Variants in FBXO42 observed in about 807,000 individuals in gnomAD.
The protein encoded by FBXO42 is F-box protein 42.
A neutral mutation model predicts 71.7 loss-of-function variants in FBXO42; 12 were observed. That is an observed-to-expected ratio of 0.17 (90% CI 0.11 to 0.27). FBXO42 has a LOEUF of 0.27. Among genes scored for constraint, FBXO42 ranks in the 10% least tolerant of loss-of-function variants. The pLI, the probability that FBXO42 is intolerant of heterozygous loss-of-function variation, is 1.00. For missense variants in FBXO42, 707 were observed against 911.9 expected (o/e 0.78, Z 2.89); for synonymous variants, 325 against 327.5 (o/e 0.99, Z 0.08).
At chr1:16,278,060 A>G (rs2081923728) in intron 4 of FBXO42, among the ~76,000 whole-genome samples, 1 of 151,660 alleles carries the variant, frequency 6.6e-6, no homozygotes. Context: ...AATAATTTTT[A>G]AAAATCCACA....
At position 16,251,516 on chromosome 1, in the gene FBXO42, A is replaced by G; in HGVS notation, c.1308T>C (p.Ser436=). The G allele has an allele frequency of 6.2e-7, 1 of 1,614,144 alleles. No homozygotes were observed. The highest frequency in any genetic ancestry group is 8.5e-7 in the Non-Finnish European group (1 of 1,180,014). Residue 436 remains serine (S), a synonymous_variant, in exon 10 of 10, where the codon TCT becomes TCC. Transcript: ENST00000375592. The surrounding 1 kb of genome is among the most constrained non-coding windows in gnomAD (Gnocchi z 4.5). ...ACAAACTCCCACCATTGAGGATAGG[A>G]GAGCCGTCTCCTCTGGCTGGGGAAA... ...GSLSPARGDG[S]PILNGGSLSP...
intron 4 of FBXO42, among the ~76,000 whole-genome samples, chr1:16,273,139 A>T (rs549800114): frequency 3.2e-4 from 49 of 152,268 alleles, no homozygotes; most frequent in Middle Eastern, 6.8e-3. Flanking sequence ...GGTAGGTATT[A>T]CCATCTCTAC....
At chr1:16,312,709 C>A (rs889371603) in intron 2 of FBXO42, among the ~76,000 whole-genome samples, 3 of 151,914 alleles carry the variant, frequency 2.0e-5, no homozygotes, top group Admixed American at 2.0e-4. Context: ...AATTTTAACA[C>A]ATGTACCACT....
At chr1:16,298,840 G>C (rs959254775) in intron 3 of FBXO42, among the ~76,000 whole-genome samples, 5 of 151,954 alleles carry the variant, frequency 3.3e-5, no homozygotes, top group African/African-American at 1.2e-4. Context: ...ACCTTAACTA[G>C]TGTCCATTAT....
At chr1:16,318,844 T>C (rs896396243) in intron 1 of FBXO42, among the ~76,000 whole-genome samples, 4 of 152,026 alleles carry the variant, frequency 2.6e-5, no homozygotes, top group Non-Finnish European at 4.4e-5. Flanking sequence ...CTCAGGGGAA[T>C]CTAGTACTGG....
chr1:16,274,883 C>A (rs2081883788), intron 4 of FBXO42, among the ~76,000 whole-genome samples: 2 of 152,018 alleles, frequency 1.3e-5, no homozygotes, highest in African/African-American at 2.4e-5. Flanking sequence ...AGCCACCATG[C>A]CCAGCTATCA....
intron 1 of FBXO42, among the ~76,000 whole-genome samples, chr1:16,319,892 C>CA (rs1208347107): frequency 6.6e-6 from 1 of 150,430 alleles, no homozygotes; most frequent in African/African-American, 2.4e-5. Context: ...GCCTGGGCAA[C>CA]AGAGTGAGAC....
At position 16,251,833 on chromosome 1, in the gene FBXO42, T is replaced by C; in HGVS notation, c.1039-48A>G. 2 of 1,555,492 alleles carry C rather than the reference T, an allele frequency of 1.3e-6. No homozygotes were observed. Among genetic ancestry groups the C allele is most frequent in the African/African-American group, 1.4e-5 (1 of 73,152 alleles). On this transcript the variant is annotated intron_variant, in intron 9 of 9. Transcript: ENST00000375592. This position sits in a 1 kb window ranked among gnomAD's most constrained non-coding sequence, Gnocchi z 4.5. The stretch of plus-strand genomic sequence containing the variant: ...TCACACTCTTCTATGATTCTGATTG[T>C]TCATTCAACTGTCAAACATTTTATC...
chr1:16,247,377 A>C lies in FBXO42; in HGVS notation c.*3293T>G, dbSNP rs935477376. ...ACCACAAGGACAAGGACAGACAGAC[A>C]GACCAACCAGGAATACCACTTTTAA... On this transcript the variant is annotated 3_prime_UTR_variant, in exon 10 of 10. Coordinates refer to ENST00000375592, the MANE Select transcript of FBXO42 (RefSeq NM_018994.3). The C allele has an allele frequency of 5.2e-5, 8 of 152,440 alleles. 1 individual carries two copies. The highest frequency in any genetic ancestry group is 1.7e-4 in the African/African-American group (7 of 41,566). 9.4% of individuals were successfully genotyped at this position (152,440 alleles called of 1,614,324 possible). A position where few individuals can be genotyped will look rare whatever the true frequency, so the allele number is the denominator to read the frequency against.
intron 3 of FBXO42, among the ~76,000 whole-genome samples, chr1:16,302,428 A>C (rs2082204574): frequency 6.6e-6 from 1 of 152,214 alleles, no homozygotes; most frequent in Admixed American, 6.5e-5. Flanking sequence ...GGCCTCAGGA[A>C]ACTTACATTT....
intron 4 of FBXO42, among the ~76,000 whole-genome samples, chr1:16,271,258 G>GGTGT (rs57827739): frequency 0.064 from 8,732 of 137,364 alleles, 311 homozygotes; most frequent in East Asian, 0.12. Flanking sequence ...TGTGTGTGTT[G>GGTGT]GTGTGTGTGT....
intron 4 of FBXO42, among the ~76,000 whole-genome samples, chr1:16,274,881 T>C (rs1339477127): frequency 6.6e-6 from 1 of 152,036 alleles, no homozygotes; most frequent in Non-Finnish European, 1.5e-5. Context: ...TGAGCCACCA[T>C]GCCCAGCTAT....
chr1:16,309,354 GGCATGAGCCACC>G (rs1409866177), intron 2 of FBXO42, among the ~76,000 whole-genome samples: 2 of 151,550 alleles, frequency 1.3e-5, no homozygotes, highest in Non-Finnish European at 2.9e-5. Flanking sequence ...TGGGATTATA[GGCATGAGCCACC>G]GCGCCTGGCC....
At chr1:16,315,706 C>T (rs536292016) in intron 1 of FBXO42, among the ~76,000 whole-genome samples, 1 of 152,210 alleles carries the variant, frequency 6.6e-6, no homozygotes, top group East Asian at 1.9e-4. Context: ...AACCAGAAAA[C>T]TTGTTCTCCA....
intron 2 of FBXO42, among the ~76,000 whole-genome samples, chr1:16,308,672 T>C (rs2082279791): frequency 6.6e-6 from 1 of 151,624 alleles, no homozygotes; most frequent in African/African-American, 2.4e-5. Context: ...CTAATTTCTG[T>C]TTTTTTGTTT....
chr1:16,326,124 C>T (rs1283729553), intron 1 of FBXO42, among the ~76,000 whole-genome samples: 5 of 151,108 alleles, frequency 3.3e-5, no homozygotes, highest in African/African-American at 1.2e-4. Context: ...GGCACGATCT[C>T]GGCTCACTGC....
intron 4 of FBXO42, among the ~76,000 whole-genome samples, chr1:16,288,445 A>AT (rs2082043797): frequency 1.0e-4 from 15 of 148,636 alleles, no homozygotes; most frequent in African/African-American, 3.8e-4. Flanking sequence ...AATAAAAATA[A>AT]AAATAAAAAT....
intron 4 of FBXO42, among the ~76,000 whole-genome samples, chr1:16,283,494 GTTTTTTTT>G (rs386366300): frequency 2.5e-5 from 2 of 80,972 alleles, no homozygotes; most frequent in Non-Finnish European, 4.7e-5. Context: ...ACTGTGGCAA[GTTTTTTTT>G]TTTTTTTTTT....
intron 1 of FBXO42, among the ~76,000 whole-genome samples, chr1:16,333,673 GC>G (rs2082524150): frequency 1.3e-5 from 2 of 152,138 alleles, no homozygotes; most frequent in Non-Finnish European, 2.9e-5. Context: ...CAAGGCAAGA[GC>G]ACTAAAGCAA....
Sources: gnomAD v4.1 joint callset for allele counts (sites outside exome capture counted in the v4.1 genomes callset) on GRCh38, gnomAD v4.1.1 for gene constraint, Gnocchi (gnomAD v3.1) non-coding constraint, MANE v1.5 for transcripts, NCBI Gene and HGNC (gene_info 2026-07-23, HGNC 2026-07-21) for gene names.